Variants in TENM4 observed in about 807,000 individuals in gnomAD.
The protein encoded by TENM4 is teneurin transmembrane protein 4.
Under a neutral mutation model 243.3 loss-of-function variants are expected in TENM4, and 82 were observed. The observed-to-expected ratio is 0.34, with a 90% CI of 0.28 to 0.40. The LOEUF (loss-of-function observed/expected upper bound fraction) is 0.40, where lower values mean the gene tolerates loss of function less well. Among genes scored for constraint, TENM4 ranks in the 10% least tolerant of loss-of-function variants. The pLI, the probability that TENM4 is intolerant of heterozygous loss-of-function variation, is 1.00. For synonymous variants in TENM4, 1,412 were observed against 1,456.3 expected (o/e 0.97, Z 0.69); for missense variants, 3,138 against 3,673.3 (o/e 0.85, Z 3.77).
At chr11:78,763,062 T>C (rs935069190) in intron 18 of TENM4, among the ~76,000 whole-genome samples, 1 of 152,236 alleles carries the variant, frequency 6.6e-6, no homozygotes, top group Non-Finnish European at 1.5e-5. Context: ...TTATAAATTC[T>C]CTGTGTTTTG....
intron 3 of TENM4, among the ~76,000 whole-genome samples, chr11:79,152,635 C>T (rs141214954): frequency 3.3e-4 from 50 of 152,326 alleles, no homozygotes; most frequent in African/African-American, 1.2e-3. Flanking sequence ...AACGGGAAAA[C>T]AAGGGGCTGG....
rs148627904 is a variant in TENM4 at position 78,941,077 on chromosome 11, G to A, written c.494-37554C>T. 3.9e-4 allele frequency among the ~76,000 whole-genome samples: 60 copies of A among 152,322 alleles called. 1 individual carries two copies. The highest frequency in any genetic ancestry group is 6.5e-4 in the Admixed American group (10 of 15,298). On this transcript the variant is annotated intron_variant, in intron 6 of 33. Coordinates refer to ENST00000278550, the MANE Select transcript of TENM4 (RefSeq NM_001098816.3). Reference sequence around the variant, plus strand: ...CAGGCATGTCCCCCGCAAGCCAATGGAGCCTTAAAGCTCTTCCAGGGAGCT... The same window carrying A: ...CAGGCATGTCCCCCGCAAGCCAATGAAGCCTTAAAGCTCTTCCAGGGAGCT...
intron 9 of TENM4, among the ~76,000 whole-genome samples, chr11:78,868,565 G>T (rs530560620): frequency 1.9e-4 from 29 of 152,146 alleles, no homozygotes; most frequent in Non-Finnish European, 3.2e-4. Flanking sequence ...ATGAGAGATG[G>T]CTCAGAAAGT....
chr11:79,074,099 C>T (rs1860479732), intron 4 of TENM4, among the ~76,000 whole-genome samples: 1 of 152,320 alleles, frequency 6.6e-6, no homozygotes, highest in Non-Finnish European at 1.5e-5. Flanking sequence ...TTCCCTGTCA[C>T]AAAGCTGAGG....
rs149757829 is a variant in TENM4 at position 79,204,805 on chromosome 11, G to A, written c.-163+11003C>T. 1.8e-3 allele frequency among the ~76,000 whole-genome samples: 272 copies of A among 152,218 alleles called. 3 individuals carry two copies. Among genetic ancestry groups the A allele is most frequent in the Admixed American group, 3.1e-3 (48 of 15,286 alleles). ...TCAGCAAAAACCTTCACGGCAACAC[G>A]GCTCGTGCTGGATGACTGGAAACAA... On this transcript the variant is annotated intron_variant, in intron 3 of 33. Transcript: ENST00000278550.
At chr11:78,944,534 A>G (rs1248799576) in intron 6 of TENM4, among the ~76,000 whole-genome samples, 2 of 152,214 alleles carry the variant, frequency 1.3e-5, no homozygotes, top group East Asian at 3.9e-4. Flanking sequence ...CAGCTTCAAA[A>G]GGGCAGAAAT....
chr11:79,292,341 A>AAC (rs1856370935), intron 2 of TENM4, among the ~76,000 whole-genome samples: 2 of 152,252 alleles, frequency 1.3e-5, no homozygotes, highest in African/African-American at 4.8e-5. Context: ...ATGCCACTGA[A>AAC]ACATTTCCCC....
At position 78,934,828 on chromosome 11, in the gene TENM4, G is replaced by A. The variant is rs186909586; in HGVS notation, c.494-31305C>T. The stretch of plus-strand genomic sequence containing the variant: ...GTGTTAAAGCTGTCTTTATTCTCCT[G>A]GGAGGAAGAAACTAGACATACTATA... On this transcript the variant is annotated intron_variant, in intron 6 of 33. Transcript: ENST00000278550. 3.6e-3 allele frequency among the ~76,000 whole-genome samples: 550 copies of A among 152,152 alleles called. 3 individuals carry two copies. The highest frequency in any genetic ancestry group is 6.9e-3 in the Non-Finnish European group (467 of 68,008).
chr11:79,284,185 T>C (rs1334492950), intron 2 of TENM4, among the ~76,000 whole-genome samples: 1 of 152,182 alleles, frequency 6.6e-6, no homozygotes, highest in Non-Finnish European at 1.5e-5. Context: ...TGGATTCTCT[T>C]TTGTAGAAAT....
chr11:78,684,071 A>T (rs1858593299), intron 29 of TENM4, among the ~76,000 whole-genome samples: 1 of 152,116 alleles, frequency 6.6e-6, no homozygotes, highest in South Asian at 2.1e-4. Context: ...CCTGTCCTGT[A>T]CACCCCTCAG....
chr11:79,083,858 G>C (rs574486773), intron 4 of TENM4, among the ~76,000 whole-genome samples: 1 of 152,278 alleles, frequency 6.6e-6, no homozygotes, highest in Admixed American at 6.5e-5. Context: ...TTGAAAACTT[G>C]TGCTCTGAAA....
At chr11:79,206,800 T>C (rs937136099) in intron 3 of TENM4, among the ~76,000 whole-genome samples, 1 of 152,174 alleles carries the variant, frequency 6.6e-6, no homozygotes, top group East Asian at 1.9e-4. Flanking sequence ...TTGTTTCCAG[T>C]TTCAGGTGTC....
At chr11:78,800,249 G>A (rs1857253216) in intron 15 of TENM4, among the ~76,000 whole-genome samples, 1 of 152,196 alleles carries the variant, frequency 6.6e-6, no homozygotes. Context: ...CAGCAGTGCT[G>A]CTGAGTGTAC....
rs191507643 is a variant in TENM4 at position 79,414,693 on chromosome 11, T to G, written c.-321+25816A>C. On this transcript the variant is annotated intron_variant, in intron 1 of 33. Coordinates refer to ENST00000278550, the MANE Select transcript of TENM4 (RefSeq NM_001098816.3). ...AAAAAACACAACTTGCTTTTTCATT[T>G]TTTTAAAACAGTAATTCCCAAAGCT... Among the ~76,000 whole-genome samples the G allele has an allele frequency of 2.6e-5, 4 of 152,366 alleles. No homozygotes were observed. In the East Asian group the frequency reaches 7.7e-4, roughly 29 times the overall value.
At chr11:79,164,386 T>C (rs1439346073) in intron 3 of TENM4, among the ~76,000 whole-genome samples, 1 of 132,876 alleles carries the variant, frequency 7.5e-6, no homozygotes, top group African/African-American at 2.9e-5. Context: ...ATAGTGTATA[T>C]ACTATATAGA....
rs139879711 is a variant in TENM4, at chr11:78,670,111, G to A, written c.6234C>T (p.Asn2078=). The A allele has an allele frequency of 7.9e-3, 12,715 of 1,613,938 alleles. 82 individuals are homozygous for A. The highest frequency in any genetic ancestry group is 0.01 in the Middle Eastern group (62 of 6,062). The change falls in exon 32 of 34, where the codon AAC becomes AAT. Residue 2078 remains asparagine, a synonymous_variant. Transcript: ENST00000278550. The part of the protein sequence containing the change: ...IFRFTEEGMV[N]ARFDYNYDNS... ...TGTCATAGTTGTAGTCAAAACGGGC[G>A]TTGACCATGCCTTCCTCAGTGAAGC...
At chr11:78,993,015 C>A (rs994330162) in intron 6 of TENM4, among the ~76,000 whole-genome samples, 2 of 152,150 alleles carry the variant, frequency 1.3e-5, no homozygotes, top group Admixed American at 1.3e-4. Context: ...TAATAACCAA[C>A]CTGTGCTATT....
chr11:78,923,001 G>A (rs961106485), intron 6 of TENM4, among the ~76,000 whole-genome samples: 1 of 152,094 alleles, frequency 6.6e-6, no homozygotes, highest in Non-Finnish European at 1.5e-5. Context: ...TTTTCCTGGA[G>A]TACCTCTCAT....
At chr11:79,319,085 C>T (rs1590876187) in intron 1 of TENM4, among the ~76,000 whole-genome samples, 1 of 152,304 alleles carries the variant, frequency 6.6e-6, no homozygotes, top group East Asian at 1.9e-4. Context: ...CCCCATAAGG[C>T]AGATTGGAAC....
Sources: gnomAD v4.1 joint callset for allele counts (sites outside exome capture counted in the v4.1 genomes callset) on GRCh38, gnomAD v4.1.1 for gene constraint, MANE v1.5 for transcripts, NCBI Gene and HGNC (gene_info 2026-07-23, HGNC 2026-07-21) for gene names.